Variants in SH3PXD2A observed in about 807,000 individuals in gnomAD.
SH3PXD2A encodes SH3 and PX domains 2A.
In SH3PXD2A, 32 loss-of-function variants were observed where a neutral mutation model predicts 115.2. The observed-to-expected ratio is 0.28, with a 90% CI of 0.21 to 0.37. The LOEUF (loss-of-function observed/expected upper bound fraction) is 0.37, where lower values mean the gene tolerates loss of function less well. Among genes scored for constraint, SH3PXD2A ranks in the 10% least tolerant of loss-of-function variants. SH3PXD2A has a pLI of 1.00. For synonymous variants in SH3PXD2A, 610 were observed against 629.1 expected (o/e 0.97, Z 0.45); for missense variants, 1,328 against 1,498.7 (o/e 0.89, Z 1.88).
chr10:103,615,600 G>A (rs12243196), intron 11 of SH3PXD2A, among the ~76,000 whole-genome samples: 14,817 of 150,978 alleles, frequency 0.098, 813 homozygotes, highest in East Asian at 0.21. Flanking sequence ...TTGGGAAATG[G>A]CATATTTAAG....
At chr10:103,614,726 G>A (rs1159971594) in intron 11 of SH3PXD2A, among the ~76,000 whole-genome samples, 1 of 152,088 alleles carries the variant, frequency 6.6e-6, no homozygotes, top group Admixed American at 6.5e-5. Context: ...CTTTGGAATG[G>A]CTCCTCCACA....
At chr10:103,769,167 TGTGTGTGTGTGTGTGC>T (rs1373574958) in intron 2 of SH3PXD2A, among the ~76,000 whole-genome samples, 17 of 111,548 alleles carry the variant, frequency 1.5e-4, no homozygotes, top group African/African-American at 6.0e-4. Flanking sequence ...TGTGTGTGTG[TGTGTGTGTGTGTGTGC>T]GCGCGCGCGC....
In SH3PXD2A at chr10:103,783,367, C is replaced by T. The variant is rs185755191; in HGVS notation, c.154-16198G>A. Among the ~76,000 whole-genome samples the T allele has an allele frequency of 5.7e-3, 865 of 152,224 alleles. 7 individuals are homozygous for T. Among genetic ancestry groups the T allele is most frequent in the African/African-American group, 0.02 (830 of 41,524 alleles). ...ACCCCTGAGGAGGCTGTCTCAGTTG[C>T]CCAGGTGACAGGTTGATGCGGGGCT... On this transcript the variant is annotated intron_variant, in intron 2 of 14. Transcript: ENST00000369774.
In SH3PXD2A at chr10:103,668,634, G is replaced by A; in HGVS notation, c.446C>T (p.Ala149Val). The stretch of plus-strand genomic sequence containing the variant: ...TGTCACGTCCTTCTTGGGCGACTCA[G>A]CCCAGCTGGACAGCCACACTTCCGA... ...KRKSVWLSSW[A>V]ESPKKDVTGA... Residue 149 changes from alanine (A) to valine (V), a missense_variant, in exon 7 of 15, where the codon GCT becomes GTT. By Grantham distance (64) the Ala-to-Val change is moderately conservative. Around this residue, in one of 5 missense-constraint regions of SH3PXD2A, gnomAD observed 90 missense variants for 71.1 expected, o/e 1.27. Transcript: ENST00000369774. 1 of 1,559,138 alleles carries A rather than the reference G, an allele frequency of 6.4e-7. No individual in the cohort carries two copies. The highest frequency in any genetic ancestry group is 8.7e-7 in the Non-Finnish European group (1 of 1,151,322).
At chr10:103,630,290 G>T (rs896945258) in intron 8 of SH3PXD2A, among the ~76,000 whole-genome samples, 12 of 152,212 alleles carry the variant, frequency 7.9e-5, no homozygotes, top group African/African-American at 2.9e-4. Context: ...AACCCCAGCA[G>T]CCTCTGCCAG....
intron 8 of SH3PXD2A, among the ~76,000 whole-genome samples, chr10:103,636,364 G>A (rs536948180): frequency 1.9e-4 from 29 of 150,544 alleles, no homozygotes; most frequent in African/African-American, 6.4e-4. Context: ...AGTCGAGATC[G>A]TACCACTGCA....
chr10:103,610,329 G>A (rs1246463173), intron 13 of SH3PXD2A, among the ~76,000 whole-genome samples: 4 of 152,230 alleles, frequency 2.6e-5, no homozygotes, highest in Non-Finnish European at 5.9e-5. Context: ...CCCTGCCTCA[G>A]CAATCCCCAC....
intron 5 of SH3PXD2A, among the ~76,000 whole-genome samples, chr10:103,715,777 T>A (rs149706590): frequency 6.6e-6 from 1 of 152,212 alleles, no homozygotes; most frequent in Non-Finnish European, 1.5e-5. Context: ...TCGACTGGGA[T>A]TGGGGATGTG....
chr10:103,614,993 G>A (rs1592263549), intron 11 of SH3PXD2A, among the ~76,000 whole-genome samples: 1 of 152,262 alleles, frequency 6.6e-6, no homozygotes, highest in African/African-American at 2.4e-5. Flanking sequence ...GGGAGTCAGG[G>A]GCCTGTCTTT....
chr10:103,827,124 G>C (rs78235876), intron 1 of SH3PXD2A, among the ~76,000 whole-genome samples: 1 of 152,110 alleles, frequency 6.6e-6, no homozygotes, highest in Admixed American at 6.5e-5. Flanking sequence ...GGGAGCTCAG[G>C]GTGGATGAGG....
chr10:103,796,914 T>A (rs994328690), intron 2 of SH3PXD2A, among the ~76,000 whole-genome samples: 2 of 147,274 alleles, frequency 1.4e-5, no homozygotes, highest in African/African-American at 5.1e-5. Flanking sequence ...CAGGCTGGAG[T>A]GCAGTGGCGC....
chr10:103,841,560 G>T (rs1265277056), intron 1 of SH3PXD2A, among the ~76,000 whole-genome samples: 3 of 152,120 alleles, frequency 2.0e-5, no homozygotes, highest in African/African-American at 7.2e-5. Flanking sequence ...TCATCATGAG[G>T]CCTCACTGCT....
intron 5 of SH3PXD2A, among the ~76,000 whole-genome samples, chr10:103,703,893 G>A (rs756153161): frequency 1.3e-5 from 2 of 152,198 alleles, no homozygotes; most frequent in Non-Finnish European, 1.5e-5. Flanking sequence ...CTGTGTGTGT[G>A]TAGCTGCCTA....
At chr10:103,687,486 C>T (rs2037693549) in intron 6 of SH3PXD2A, among the ~76,000 whole-genome samples, 1 of 152,158 alleles carries the variant, frequency 6.6e-6, no homozygotes, top group Non-Finnish European at 1.5e-5. Flanking sequence ...TGTTTCCCAG[C>T]TCCCACACAA....
intron 5 of SH3PXD2A, among the ~76,000 whole-genome samples, chr10:103,708,873 GT>G (rs1272014016): frequency 2.6e-5 from 4 of 151,984 alleles, no homozygotes; most frequent in Non-Finnish European, 1.5e-5. Context: ...GATAATGCAT[GT>G]CCCCCATCCA....
At chr10:103,684,471 G>A (rs1190309363) in intron 6 of SH3PXD2A, among the ~76,000 whole-genome samples, 2 of 151,750 alleles carry the variant, frequency 1.3e-5, no homozygotes. Flanking sequence ...TGATTCTCCT[G>A]CCTCAGCCTC....
Position 103,598,816 on chromosome 10 carries a change from GAGA to G in SH3PXD2A, c.*2997_*2999del, listed in dbSNP as rs1270564416. The G allele has an allele frequency of 1.3e-5, 2 of 152,646 alleles. No individual in the cohort carries two copies. Among genetic ancestry groups the G allele is most frequent in the African/African-American group, 4.8e-5 (2 of 41,460 alleles). 9.5% of individuals were successfully genotyped at this position (152,646 alleles called of 1,614,324 possible). A position where few individuals can be genotyped will look rare whatever the true frequency, so the allele number is the denominator to read the frequency against. ...GGCCTGGTACCCCCTGGCCATGTCGGAGAAGGACTGGCATGCACCCTTCTTGCT... is the reference window on the plus strand; with the variant it reads ...GGCCTGGTACCCCCTGGCCATGTCGGAGGACTGGCATGCACCCTTCTTGCT... On this transcript the variant is annotated 3_prime_UTR_variant, in exon 15 of 15. Coordinates refer to ENST00000369774, the MANE Select transcript of SH3PXD2A (RefSeq NM_001394015.1).
At chr10:103,645,085 GTTCT>G (rs1313674825) in intron 8 of SH3PXD2A, among the ~76,000 whole-genome samples, 2 of 152,150 alleles carry the variant, frequency 1.3e-5, no homozygotes, top group African/African-American at 4.8e-5. Context: ...GCCAGCCAGC[GTTCT>G]GCTCTCCTAA....
chr10:103,753,933 G>C (rs548268960), intron 3 of SH3PXD2A: 1 of 152,266 alleles, frequency 6.6e-6, no homozygotes, highest in African/African-American at 2.4e-5. Flanking sequence ...AGTTTTTCTG[G>C]TAACAAGACC....
Sources: allele counts gnomAD v4.1 joint callset (sites outside exome capture counted in the v4.1 genomes callset), GRCh38; gene constraint gnomAD v4.1.1; regional missense constraint gnomAD v4.1.1; transcripts MANE v1.5; gene names NCBI Gene and HGNC (gene_info 2026-07-23, HGNC 2026-07-21).